Variants in DCC observed in about 807,000 individuals in gnomAD.
DCC encodes the protein netrin receptor DCC.
A neutral mutation model predicts 172.5 loss-of-function variants in DCC; 58 were observed. That is an observed-to-expected ratio of 0.34 (90% CI 0.27 to 0.42). The LOEUF is 0.42. Among genes scored for constraint, DCC ranks in the 10% least tolerant of loss-of-function variants. The pLI is 1.00. For missense variants in DCC, 1,740 were observed against 1,791.0 expected, an observed-to-expected ratio of 0.97 and a Z score of 0.51; for synonymous variants, 709 against 644.5, an observed-to-expected ratio of 1.10 and a Z score of -1.52.
chr18:52,803,539 T>A (rs1021409552), intron 2 of DCC, among the ~76,000 whole-genome samples: 2 of 152,340 alleles, frequency 1.3e-5, no homozygotes, highest in Admixed American at 1.3e-4. Flanking sequence ...TTGTAGTAAA[T>A]GATAAAATAG....
chr18:52,915,394 C>T (rs1396537141), intron 3 of DCC, among the ~76,000 whole-genome samples: 3 of 152,096 alleles, frequency 2.0e-5, no homozygotes, highest in Non-Finnish European at 4.4e-5. Context: ...AGTGTGGCCC[C>T]AAAGACATTT....
chr18:53,158,716 C>T (rs1366719763), intron 8 of DCC, among the ~76,000 whole-genome samples: 1 of 152,076 alleles, frequency 6.6e-6, no homozygotes, highest in African/African-American at 2.4e-5. Flanking sequence ...AGAGGCTGGG[C>T]AAGGTGACTC....
At chr18:52,369,663 T>G (rs1427901855) in intron 1 of DCC, among the ~76,000 whole-genome samples, 2 of 151,980 alleles carry the variant, frequency 1.3e-5, no homozygotes, top group African/African-American at 4.8e-5. Flanking sequence ...TACTGAAAGA[T>G]ATTATATAAA....
chr18:53,141,202 T>C (rs1024261339), intron 7 of DCC, among the ~76,000 whole-genome samples: 1 of 152,140 alleles, frequency 6.6e-6, no homozygotes, highest in Non-Finnish European at 1.5e-5. Flanking sequence ...TGAAAGTCCC[T>C]AGCGACCTCT....
chr18:52,926,177 T>C (rs2040199347), intron 5 of DCC, among the ~76,000 whole-genome samples: 1 of 151,866 alleles, frequency 6.6e-6, no homozygotes, highest in Non-Finnish European at 1.5e-5. Flanking sequence ...CTCAGAAAAA[T>C]CATAGTCTAT....
chr18:52,388,105 A>G (rs1299786731), intron 1 of DCC, among the ~76,000 whole-genome samples: 3 of 152,128 alleles, frequency 2.0e-5, no homozygotes, highest in East Asian at 1.9e-4. Flanking sequence ...CTAGAATAAC[A>G]TTAACATCTG....
In DCC at chr18:52,612,106, A is replaced by G. The variant is rs1351152747; in HGVS notation, c.92-139948A>G. ...TATGCTTACCCAGAATTTCACTCCAAACTGACATACCCCAATACTTACTCA... is the reference window on the plus strand; with the variant it reads ...TATGCTTACCCAGAATTTCACTCCAGACTGACATACCCCAATACTTACTCA... On this transcript the variant is annotated intron_variant, in intron 1 of 28. Coordinates refer to ENST00000442544, the MANE Select transcript of DCC (RefSeq NM_005215.4). Among the ~76,000 whole-genome samples, 2 of 152,158 alleles carry G rather than the reference A, an allele frequency of 1.3e-5. 1 individual carries two copies. The highest frequency in any genetic ancestry group is 1.3e-4 in the Admixed American group (2 of 15,272).
chr18:52,780,782 A>G (rs2037525045), intron 2 of DCC, among the ~76,000 whole-genome samples: 1 of 152,070 alleles, frequency 6.6e-6, no homozygotes, highest in Non-Finnish European at 1.5e-5. Flanking sequence ...AGGGAGGAGG[A>G]AGGTCAGAGA....
intron 8 of DCC, among the ~76,000 whole-genome samples, chr18:53,171,651 A>G (rs763417506): frequency 6.6e-6 from 1 of 152,142 alleles, no homozygotes; most frequent in African/African-American, 2.4e-5. Context: ...GATCTTGGAC[A>G]TTTTTACCTG....
intron 5 of DCC, among the ~76,000 whole-genome samples, chr18:53,047,225 C>T (rs2144021281): frequency 1.5e-5 from 1 of 68,266 alleles, no homozygotes; most frequent in Non-Finnish European, 2.9e-5. Flanking sequence ...TGAGCCATCC[C>T]TGCAGGTAGG....
chr18:53,085,992 C>T (rs1568294158), intron 7 of DCC, among the ~76,000 whole-genome samples: 1 of 48,700 alleles, frequency 2.1e-5, no homozygotes, highest in African/African-American at 2.7e-4. Context: ...TCTTCTTCTC[C>T]TTCTCCTTCT....
At chr18:52,781,935 G>A (rs2037552582) in intron 2 of DCC, among the ~76,000 whole-genome samples, 1 of 152,092 alleles carries the variant, frequency 6.6e-6, no homozygotes, top group Non-Finnish European at 1.5e-5. Flanking sequence ...GTCAGTTGAA[G>A]AGAATGACTT....
At chr18:52,830,631 A>G (rs769482164) in intron 2 of DCC, among the ~76,000 whole-genome samples, 13 of 152,180 alleles carry the variant, frequency 8.5e-5, no homozygotes, top group Non-Finnish European at 1.8e-4. Flanking sequence ...CTCTTGAATT[A>G]GTCACTCATT....
intron 5 of DCC, among the ~76,000 whole-genome samples, chr18:53,027,770 C>T (rs908131823): frequency 1.3e-5 from 2 of 152,060 alleles, no homozygotes; most frequent in Admixed American, 6.6e-5. Flanking sequence ...GCTTTACTCT[C>T]CTACTGATGT....
chr18:52,362,860 T>C (rs1984681587), intron 1 of DCC, among the ~76,000 whole-genome samples: 1 of 152,178 alleles, frequency 6.6e-6, no homozygotes, highest in African/African-American at 2.4e-5. Context: ...TCTATCTTTC[T>C]TTCGTTCATT....
chr18:53,294,808 C>A (rs138341951), intron 12 of DCC, among the ~76,000 whole-genome samples: 1 of 152,220 alleles, frequency 6.6e-6, no homozygotes, highest in East Asian at 1.9e-4. Flanking sequence ...AAGGATTCTC[C>A]CAGAGTAGGT....
chr18:53,008,398 T>A (rs1394326267), intron 5 of DCC, among the ~76,000 whole-genome samples: 3 of 152,080 alleles, frequency 2.0e-5, no homozygotes, highest in Non-Finnish European at 4.4e-5. Flanking sequence ...TTTTAAACAT[T>A]TCCATTACTC....
At chr18:52,504,985 A>G (rs2031177252) in intron 1 of DCC, among the ~76,000 whole-genome samples, 1 of 152,212 alleles carries the variant, frequency 6.6e-6, no homozygotes, top group Admixed American at 6.6e-5. Context: ...AAATGATCCT[A>G]GAAAAGCTCA....
chr18:53,290,550 G>T (rs1266928518), intron 12 of DCC, among the ~76,000 whole-genome samples: 2 of 152,042 alleles, frequency 1.3e-5, no homozygotes, highest in African/African-American at 4.8e-5. Context: ...GAGATTGAAA[G>T]CCTGCTGGTT....
Sources: allele counts gnomAD v4.1 joint callset (sites outside exome capture counted in the v4.1 genomes callset), GRCh38; gene constraint gnomAD v4.1.1; transcripts MANE v1.5; gene names NCBI Gene and HGNC (gene_info 2026-07-23, HGNC 2026-07-21).